RRAS: variants seen among roughly 807,000 people sequenced by gnomAD.
The protein encoded by RRAS is RAS related.
RRAS carries 18 observed loss-of-function variants against 23.3 expected under a neutral mutation model. The observed-to-expected ratio is 0.77, with a 90% CI of 0.53 to 1.15. The LOEUF is 1.15. Ranked by LOEUF, RRAS falls within the 50% of genes most tolerant of loss-of-function variation. The pLI, the probability that RRAS is intolerant of heterozygous loss-of-function variation, is 0.00. For missense variants in RRAS, 291 were observed against 317.1 expected, an observed-to-expected ratio of 0.92 and a Z score of 0.62; for synonymous variants, 133 against 138.3, an observed-to-expected ratio of 0.96 and a Z score of 0.27.
chr19:49,639,438 C>CAAA (rs60691134), intron 1 of RRAS, among the ~76,000 whole-genome samples: 9 of 120,362 alleles, frequency 7.5e-5, no homozygotes, highest in Non-Finnish European at 1.0e-4. Flanking sequence ...GACTCTGTCT[C>CAAA]AAAAAAAAAA....
At chr19:49,638,203 C>T (rs1309594773) in intron 1 of RRAS, among the ~76,000 whole-genome samples, 1 of 152,180 alleles carries the variant, frequency 6.6e-6, no homozygotes, top group Non-Finnish European at 1.5e-5. Flanking sequence ...CCTCGGGCCC[C>T]AGCCCCTCCC....
At position 49,640,005 on chromosome 19, in the gene RRAS, G is replaced by A. The variant is rs764926027; in HGVS notation, c.94C>T (p.Leu32=). 3.2e-5 allele frequency: 51 copies of A among 1,580,674 alleles called. No homozygotes were observed. The highest frequency in any genetic ancestry group is 1.2e-4 in the Admixed American group (7 of 58,058). ...GDPPPSETHK[L]VVVGGGGVGK... ...ACGCCGCCGCCGCCCACGACCACCA[G>A]CTTGTGTGTCTCGCTGGGCGGGGGG... is the stretch of plus-strand genomic sequence containing the variant. The change falls in exon 1 of 6, where the codon CTG becomes TTG. Residue 32 remains leucine (L), a synonymous_variant. Coordinates refer to ENST00000246792, the MANE Select transcript of RRAS (RefSeq NM_006270.5).
rs2080993043 is a variant in RRAS at position 49,635,733 on chromosome 19, C to T, written c.572+1G>A. The T allele has an allele frequency of 6.4e-7, 1 of 1,564,772 alleles. No individual in the cohort carries two copies. The highest frequency in any genetic ancestry group is 8.7e-7 in the Non-Finnish European group (1 of 1,143,772). ...GACGACAGGAAGGGGACTTGGCTCA[C>T]CGGACAGCCCGCACCAGCTGCTCAA... On this transcript the variant is annotated splice_donor_variant, in intron 5 of 5. Coordinates refer to ENST00000246792, the MANE Select transcript of RRAS (RefSeq NM_006270.5). LOFTEE classifies it high-confidence loss of function.
Position 49,637,058 on chromosome 19 carries a change from G to A in RRAS, c.226C>T (p.Pro76Ser). The A allele has an allele frequency of 6.2e-7, 1 of 1,613,646 alleles. No individual in the cohort carries two copies. ...CCGCCCTCACTGTCCAGCCGGGCTG[G>A]GATGCCATCCACACTGCAGATCTTC... ...YTKICSVDGI[P>S]ARLDILDTAG... is the part of the protein sequence containing the mutation. Residue 76 changes from proline to serine, a missense_variant, in exon 2 of 6, where the codon CCA becomes TCA. Physicochemically the swap from Pro to Ser is moderately conservative, Grantham distance 74. Coordinates refer to ENST00000246792, the MANE Select transcript of RRAS (RefSeq NM_006270.5).
intron 1 of RRAS, among the ~76,000 whole-genome samples, chr19:49,638,620 G>C (rs917074719): frequency 1.3e-5 from 2 of 152,120 alleles, no homozygotes; most frequent in Non-Finnish European, 2.9e-5. Flanking sequence ...TGTGGCTCTG[G>C]GGGTAGTTAG....
At position 49,636,844 on chromosome 19, in the gene RRAS, G is replaced by A. The variant is rs578092373; in HGVS notation, c.324C>T (p.Phe108=). The A allele has an allele frequency of 2.0e-5, 33 of 1,613,006 alleles. No homozygotes were observed. The highest frequency in any genetic ancestry group is 5.0e-5 in the Admixed American group (3 of 60,006). Residue 108 remains phenylalanine (F), a synonymous_variant, in exon 3 of 6, where the codon TTC becomes TTT. Coordinates refer to ENST00000246792, the MANE Select transcript of RRAS (RefSeq NM_006270.5). This position sits in a 1 kb window ranked among gnomAD's most constrained non-coding sequence, Gnocchi z 4.5. The stretch of plus-strand genomic sequence containing the variant: ...GTCACCTCTGCCGGTCGTTAATGGC[G>A]AACACCAGCAGGAAGCCGTGGCCAG... ...MRAGHGFLLV[F]AINDRQSFNE...
At chr19:49,638,938 G>A (rs897540767) in intron 1 of RRAS, among the ~76,000 whole-genome samples, 1 of 151,754 alleles carries the variant, frequency 6.6e-6, no homozygotes, top group South Asian at 2.1e-4. Flanking sequence ...GAGAGTGGAG[G>A]TTTGGGCCTC....
rs772132258 is a variant in RRAS at position 49,640,055 on chromosome 19, C to A, written c.44G>T (p.Arg15Leu). The change falls in exon 1 of 6, where the codon CGG becomes CTG. Residue 15 changes from arginine to leucine, a missense_variant. Physicochemically the swap from Arg to Leu is moderately radical, Grantham distance 102. Transcript: ENST00000246792. ...GTCCCCGGGCCCAGGTCCCCCGCCC[C>A]GGGGCCGCCCCCGCCCTGTCCCGGA... ...AASGTGRGRPRGGGPGPGDPP... is the reference protein window; with the variant it reads ...AASGTGRGRPLGGGPGPGDPP... 7.4e-6 allele frequency: 11 copies of A among 1,487,640 alleles called. No individual in the cohort carries two copies. The highest frequency in any genetic ancestry group is 9.8e-6 in the Non-Finnish European group (11 of 1,127,670). 92.2% of individuals were successfully genotyped at this position (1,487,640 alleles called of 1,614,324 possible). A position where few individuals can be genotyped will look rare whatever the true frequency, so the allele number is the denominator to read the frequency against.
rs2080996373 is a variant in RRAS at position 49,636,412 on chromosome 19, C to T, written c.453+207G>A. Among the ~76,000 whole-genome samples the T allele has an allele frequency of 6.6e-6, 1 of 152,094 alleles. No individual in the cohort carries two copies. Among genetic ancestry groups the T allele is most frequent in the African/African-American group, 2.4e-5 (1 of 41,408 alleles). On this transcript the variant is annotated intron_variant, in intron 4 of 5. Coordinates refer to ENST00000246792, the MANE Select transcript of RRAS (RefSeq NM_006270.5). The surrounding 1 kb of genome is among the most constrained non-coding windows in gnomAD (Gnocchi z 4.5). ...TCCTTTGTTCCGTCCAGCAGCCTCT[C>T]CTGAGGACACTTGCATGCTAGGCCC...
In RRAS at chr19:49,635,489, G is replaced by A; in HGVS notation, c.*87C>T. On this transcript the variant is annotated 3_prime_UTR_variant, in exon 6 of 6. Coordinates refer to ENST00000246792, the MANE Select transcript of RRAS (RefSeq NM_006270.5). ...TGGGAGACCCAGATGAGGAAATTGA[G>A]GCTCAGTGAGGGCCTCAGGTCACAC... 2 of 781,922 alleles carry A rather than the reference G, an allele frequency of 2.6e-6. No individual in the cohort carries two copies. Among genetic ancestry groups the A allele is most frequent in the Non-Finnish European group, 3.8e-6 (2 of 527,144 alleles). The allele number at this position is 781,922 out of a possible 1,614,324, so 48.4% of individuals were successfully genotyped here.
Position 49,635,727 on chromosome 19 carries a change from G to A in RRAS, c.572+7C>T, listed in dbSNP as rs761527372. ...GACAAGGACGACAGGAAGGGGACTTGGCTCACCGGACAGCCCGCACCAGCT... is the reference window on the plus strand; with the variant it reads ...GACAAGGACGACAGGAAGGGGACTTAGCTCACCGGACAGCCCGCACCAGCT... On this transcript the variant is annotated splice_region_variant and intron_variant, in intron 5 of 5. Coordinates refer to ENST00000246792, the MANE Select transcript of RRAS (RefSeq NM_006270.5). 6.4e-7 allele frequency: 1 copy of A among 1,562,452 alleles called. No homozygotes were observed. The highest frequency in any genetic ancestry group is 8.8e-7 in the Non-Finnish European group (1 of 1,141,996).
Position 49,637,030 on chromosome 19 carries a change from T to C in RRAS, c.241+13A>G, listed in dbSNP as rs765391621. 10 of 1,613,162 alleles carry C rather than the reference T, an allele frequency of 6.2e-6. No individual in the cohort carries two copies. Among genetic ancestry groups the C allele is most frequent in the Non-Finnish European group, 7.6e-6 (9 of 1,179,616 alleles). ...CACCACCCCCATCCATCATCCATCC[T>C]TGCCGCCCTCACTGTCCAGCCGGGC... On this transcript the variant is annotated intron_variant, in intron 2 of 5. Coordinates refer to ENST00000246792, the MANE Select transcript of RRAS (RefSeq NM_006270.5).
chr19:49,635,664 T>C lies in RRAS; in HGVS notation c.573-4A>G. On this transcript the variant is annotated splice_polypyrimidine_tract_variant and splice_region_variant and intron_variant, in intron 5 of 5. Transcript: ENST00000246792. Reference sequence around the variant, plus strand: ...GAGCTCTTGTTCCTGGTATTTCCTGTGGGAAAACGCCAGTGAGTTTGGAGT... The same window carrying C: ...GAGCTCTTGTTCCTGGTATTTCCTGCGGGAAAACGCCAGTGAGTTTGGAGT... 1.4e-6 allele frequency: 2 copies of C among 1,468,564 alleles called. No homozygotes were observed. The highest frequency in any genetic ancestry group is 1.8e-6 in the Non-Finnish European group (2 of 1,096,120). The allele number at this position is 1,468,564 out of a possible 1,614,324, so 91.0% of individuals were successfully genotyped here. A position where few individuals can be genotyped will look rare whatever the true frequency, so the allele number is the denominator to read the frequency against.
At position 49,637,168 on chromosome 19, in the gene RRAS, C is replaced by T. The variant is rs555533580; in HGVS notation, c.154-38G>A. The T allele has an allele frequency of 1.6e-4, 247 of 1,512,450 alleles. 10 individuals carry two copies. In the South Asian group the frequency reaches 2.6e-3, roughly 16 times the overall value. 93.7% of individuals were successfully genotyped at this position (1,512,450 alleles called of 1,614,324 possible). ...GGAGAGGATAGTTACTGCAGTGCCCCGGCAGACAGGACGAAGCCCTGCCCT... is the reference window on the plus strand; with the variant it reads ...GGAGAGGATAGTTACTGCAGTGCCCTGGCAGACAGGACGAAGCCCTGCCCT... On this transcript the variant is annotated intron_variant, in intron 1 of 5. Coordinates refer to ENST00000246792, the MANE Select transcript of RRAS (RefSeq NM_006270.5).
chr19:49,635,993 T>C, intron 4 of RRAS, 141 bp from the exon 5 acceptor site: 2 of 510,644 alleles, frequency 3.9e-6, no homozygotes, highest in Non-Finnish European at 7.0e-6. Flanking sequence ...TGAGAGATTA[T>C]GGAGGGAGAT....
chr19:49,636,694 A>C lies in RRAS; in HGVS notation c.378T>G (p.Ile126Met). Residue 126 changes from isoleucine (I) to methionine (M), a missense_variant, in exon 4 of 6, where the codon ATT (isoleucine) becomes ATG (methionine). Transcript: ENST00000246792. The surrounding 1 kb of genome is among the most constrained non-coding windows in gnomAD (Gnocchi z 4.5). Reference sequence around the variant, plus strand: ...AGTCGTCGCGGTCCTTGACCCGCAGAATCTGCGTGAAGAGCTTGCCCACCT... The same window carrying C: ...AGTCGTCGCGGTCCTTGACCCGCAGCATCTGCGTGAAGAGCTTGCCCACCT... Reference protein sequence around the residue: ...FNEVGKLFTQILRVKDRDDFP... With the variant: ...FNEVGKLFTQMLRVKDRDDFP... 6.2e-7 allele frequency: 1 copy of C among 1,614,122 alleles called. No homozygotes were observed.
In RRAS at chr19:49,640,049, C is replaced by A. The variant is rs774785666; in HGVS notation, c.50G>T (p.Gly17Val). 3 of 1,505,798 alleles carry A rather than the reference C, an allele frequency of 2.0e-6. No individual in the cohort carries two copies. The highest frequency in any genetic ancestry group is 4.4e-5 in the Admixed American group (2 of 45,840). The allele number at this position is 1,505,798 out of a possible 1,614,324, so 93.3% of individuals were successfully genotyped here. ...CGGGGGGTCCCCGGGCCCAGGTCCC[C>A]CGCCCCGGGGCCGCCCCCGCCCTGT... ...SGTGRGRPRG[G>V]GPGPGDPPPS... is the part of the protein sequence containing the mutation. Residue 17 changes from glycine to valine, a missense_variant, in exon 1 of 6, where the codon GGG becomes GTG. Physicochemically the swap from Gly to Val is moderately radical, Grantham distance 109. Transcript: ENST00000246792.
chr19:49,639,027 C>G (rs751803110), intron 1 of RRAS, among the ~76,000 whole-genome samples: 2 of 151,850 alleles, frequency 1.3e-5, no homozygotes, highest in Non-Finnish European at 2.9e-5. Context: ...TTTTAAATCT[C>G]GGGTCGGAGA....
At chr19:49,635,697 C>A in intron 5 of RRAS, 37 bp from the exon 6 acceptor site, 1 of 1,531,082 alleles carries the variant, frequency 6.5e-7, no homozygotes. Flanking sequence ...AGTGGAAGGG[C>A]TGGGGACAAG....
Sources: allele counts gnomAD v4.1 joint callset (sites outside exome capture counted in the v4.1 genomes callset), GRCh38; gene constraint gnomAD v4.1.1; non-coding constraint Gnocchi (gnomAD v3.1); transcripts MANE v1.5; gene names NCBI Gene and HGNC (gene_info 2026-07-23, HGNC 2026-07-21).